The following TRMT10B variants were observed in gnomAD, a reference collection of about 807,000 sequenced individuals.
TRMT10B encodes tRNA methyltransferase 10B.
A neutral mutation model predicts 43.8 loss-of-function variants in TRMT10B; 33 were observed. That is an observed-to-expected ratio of 0.75 (90% confidence interval 0.57 to 1.01). TRMT10B has a LOEUF of 1.01. Ranked by LOEUF, TRMT10B falls within the 50% of genes least tolerant of loss-of-function variation. The probability of loss-of-function intolerance (pLI) is 0.00; values close to 1 mark genes in which losing one functional copy is unlikely to be tolerated. For missense variants in TRMT10B, 362 were observed against 369.8 expected, an observed-to-expected ratio of 0.98 and a Z score of 0.17; for synonymous variants, 137 against 130.6, an observed-to-expected ratio of 1.05 and a Z score of -0.34.
At chr9:37,764,677 GCCTC>G (rs1826791339) in intron 4 of TRMT10B, among the ~76,000 whole-genome samples, 1 of 152,062 alleles carries the variant, frequency 6.6e-6, no homozygotes, top group Admixed American at 6.6e-5. Context: ...ACCTGCCTCA[GCCTC>G]CCAAAGTGCT....
At chr9:37,759,034 T>C (rs565125378) in intron 1 of TRMT10B, among the ~76,000 whole-genome samples, 1 of 152,330 alleles carries the variant, frequency 6.6e-6, no homozygotes, top group Non-Finnish European at 1.5e-5. Context: ...ACATTTGGAA[T>C]GCTCATACAT....
At chr9:37,754,725 T>C (rs1036661597) in intron 1 of TRMT10B, among the ~76,000 whole-genome samples, 7 of 152,198 alleles carry the variant, frequency 4.6e-5, no homozygotes, top group Admixed American at 4.6e-4. Context: ...TACTATTATG[T>C]CAGGTGCTTA....
At position 37,778,449 on chromosome 9, in the gene TRMT10B, A is replaced by C. The variant is rs984993682; in HGVS notation, c.*742A>C. On this transcript the variant is annotated 3_prime_UTR_variant, in exon 9 of 9. Transcript: ENST00000297994. ...AGAATCGCCTGAACCCGGGCGGCGG[A>C]GGTTGTAGTGAGCCAAGATCCAGCC... 6.6e-6 allele frequency: 1 copy of C among 151,636 alleles called. No homozygotes were observed. The highest frequency in any genetic ancestry group is 1.5e-5 in the Non-Finnish European group (1 of 67,968). 9.4% of individuals were successfully genotyped at this position (151,636 alleles called of 1,614,324 possible).
Position 37,769,936 on chromosome 9 carries a change from T to C in TRMT10B, c.574-5T>C. ...TTTTAACATCAGACTGTTTGCATTT[T>C]CCAGTTAGACATAACAGAAGAAGAC... is the stretch of plus-strand genomic sequence containing the variant. On this transcript the variant is annotated splice_polypyrimidine_tract_variant and splice_region_variant and intron_variant, in intron 5 of 8. Coordinates refer to ENST00000297994, the MANE Select transcript of TRMT10B (RefSeq NM_144964.4). 1.2e-6 allele frequency: 2 copies of C among 1,613,782 alleles called. No individual in the cohort carries two copies. Among genetic ancestry groups the C allele is most frequent in the Non-Finnish European group, 1.7e-6 (2 of 1,179,676 alleles).
At chr9:37,757,006 CTTTTT>C (rs11412966) in intron 1 of TRMT10B, among the ~76,000 whole-genome samples, 1 of 147,340 alleles carries the variant, frequency 6.8e-6, no homozygotes, top group Non-Finnish European at 1.5e-5. Context: ...TATCTCTTAA[CTTTTT>C]TTTTTTTTAA....
chr9:37,755,573 C>G (rs1262726073), intron 1 of TRMT10B, among the ~76,000 whole-genome samples: 1 of 152,208 alleles, frequency 6.6e-6, no homozygotes, highest in Non-Finnish European at 1.5e-5. Context: ...CATTCTGTGC[C>G]AGGCCTTATG....
At chr9:37,754,390 AG>A (rs1359383647) in intron 1 of TRMT10B, among the ~76,000 whole-genome samples, 2 of 152,172 alleles carry the variant, frequency 1.3e-5, no homozygotes, top group Non-Finnish European at 2.9e-5. Context: ...GGTATGTTTG[AG>A]GAACAGCAAA....
intron 7 of TRMT10B, among the ~76,000 whole-genome samples, chr9:37,774,393 C>G (rs567566188): frequency 6.6e-6 from 1 of 152,266 alleles, no homozygotes; most frequent in African/African-American, 2.4e-5. Context: ...ATCTGTCCAC[C>G]AACATTTAAA....
At chr9:37,776,251 A>C in intron 7 of TRMT10B, 31 bp from the exon 8 acceptor site, 1 of 1,423,732 alleles carries the variant, frequency 7.0e-7, no homozygotes. Context: ...TATAATTTTT[A>C]TAAGAAAAAT....
intron 1 of TRMT10B, among the ~76,000 whole-genome samples, chr9:37,755,289 T>TTTTTA (rs1554674553): frequency 4.0e-5 from 6 of 149,134 alleles, no homozygotes; most frequent in South Asian, 2.1e-4. Context: ...TTTTTTTTTT[T>TTTTTA]AAAGTTAGTT....
At chr9:37,770,648 C>T (rs1390273422) in intron 6 of TRMT10B, 24 bp from the exon 7 acceptor site, 1 of 1,599,802 alleles carries the variant, frequency 6.3e-7, no homozygotes, top group Non-Finnish European at 8.6e-7. Context: ...GATTTGATCT[C>T]ATTGGCCTTC....
At chr9:37,752,932 T>C (rs1245833132), upstream of TRMT10B, among the ~76,000 whole-genome samples, 4 of 152,062 alleles carry the variant, frequency 2.6e-5, no homozygotes, top group Non-Finnish European at 5.9e-5. Flanking sequence ...TTCTGGACTG[T>C]GGGTGCTTTG....
chr9:37,754,370 G>A (rs1825372037), intron 1 of TRMT10B, among the ~76,000 whole-genome samples: 1 of 152,198 alleles, frequency 6.6e-6, no homozygotes, highest in African/African-American at 2.4e-5. Flanking sequence ...CGAATGTAAA[G>A]GCCTTGAAGG....
At chr9:37,759,372 A>G (rs1241850672) in intron 1 of TRMT10B, among the ~76,000 whole-genome samples, 4 of 152,252 alleles carry the variant, frequency 2.6e-5, no homozygotes, top group Non-Finnish European at 5.9e-5. Context: ...GTCAAGTGCT[A>G]AAGAGTACAT....
Position 37,770,740 on chromosome 9 carries a change from G to GTA in TRMT10B, c.720+2_720+3dup, listed in dbSNP as rs150866114. ...GCTTGTGGATGAAAGCATTCAGAAG[G>GTA]TAAGTATACATTTCAGCCCCAACAT... On this transcript the variant is annotated splice_donor_variant, in intron 7 of 8. Coordinates refer to ENST00000297994, the MANE Select transcript of TRMT10B (RefSeq NM_144964.4). LOFTEE classifies it high-confidence loss of function. 2,632 of 1,613,680 alleles carry GTA rather than the reference G, an allele frequency of 1.6e-3. 42 individuals carry two copies. The African/African-American group carries it at 0.032, about 20-fold the overall frequency.
intron 7 of TRMT10B, among the ~76,000 whole-genome samples, chr9:37,772,748 C>T (rs1827725157): frequency 6.6e-6 from 1 of 151,988 alleles, no homozygotes; most frequent in African/African-American, 2.4e-5. Context: ...CTTAGGGAGG[C>T]CCAAGGCAGG....
intron 1 of TRMT10B, among the ~76,000 whole-genome samples, chr9:37,761,246 A>G (rs1047379564): frequency 1.3e-5 from 2 of 152,238 alleles, no homozygotes; most frequent in African/African-American, 4.8e-5. Flanking sequence ...TGGTTGAAAC[A>G]TAATGGGGGA....
rs1828335425 is a variant in TRMT10B, at chr9:37,777,695, C to CT, written c.940dup (p.Ser314PhefsTer19). The CT allele has an allele frequency of 6.2e-7, 1 of 1,613,762 alleles. No homozygotes were observed. The highest frequency in any genetic ancestry group is 8.5e-7 in the Non-Finnish European group (1 of 1,179,874). On this transcript the variant is annotated frameshift_variant, in exon 9 of 9. Transcript: ENST00000297994. LOFTEE classifies it high-confidence loss of function. ...CAGGAAAAGGCTATATTCTTCGGAA[C>CT]TCAGTGGAATGATGGGCCTAAGATT...
chr9:37,752,915 G>A (rs555455088), upstream of TRMT10B, among the ~76,000 whole-genome samples: 3 of 152,226 alleles, frequency 2.0e-5, no homozygotes, highest in Admixed American at 1.3e-4. Flanking sequence ...ACCCGTTGGG[G>A]TTGCCTTTCT....
Sources: allele counts gnomAD v4.1 joint callset (sites outside exome capture counted in the v4.1 genomes callset), GRCh38; gene constraint gnomAD v4.1.1; transcripts MANE v1.5; gene names NCBI Gene and HGNC (gene_info 2026-07-23, HGNC 2026-07-21).